Variants in RIPOR1 observed in about 807,000 individuals in gnomAD.
The protein encoded by RIPOR1 is rho family-interacting cell polarization regulator 1.
Under a neutral mutation model 116.5 loss-of-function variants are expected in RIPOR1, and 58 were observed. The observed-to-expected ratio is 0.50, with a 90% CI of 0.40 to 0.62. The LOEUF (loss-of-function observed/expected upper bound fraction) is 0.62. Ranked by LOEUF, RIPOR1 falls within the 20% of genes least tolerant of loss-of-function variation. The pLI, the probability that RIPOR1 is intolerant of heterozygous loss-of-function variation, is 0.00. For missense variants in RIPOR1, 1,372 were observed against 1,586.2 expected (o/e 0.86, Z 2.29); for synonymous variants, 605 against 650.0 (o/e 0.93, Z 1.05).
At position 67,530,752 on chromosome 16, in the gene RIPOR1, G is replaced by A. The variant is rs1013245375; in HGVS notation, c.-24+1838G>A. On this transcript the variant is annotated intron_variant, in intron 1 of 21. Transcript: ENST00000042381. This position sits in a 1 kb window ranked among gnomAD's most constrained non-coding sequence, Gnocchi z 4.5. The stretch of plus-strand genomic sequence containing the variant: ...CACTCACGGCCATCCTGACCTGGCT[G>A]TGCTGCAAGCCCCATAACCTTTGGA... Among the ~76,000 whole-genome samples, 1 of 152,186 alleles carries A rather than the reference G, an allele frequency of 6.6e-6. No homozygotes were observed. Among genetic ancestry groups the A allele is most frequent in the African/African-American group, 2.4e-5 (1 of 41,446 alleles).
rs2050584322 is a variant in RIPOR1 at position 67,529,039 on chromosome 16, A to T, written c.-24+125A>T. The T allele has an allele frequency of 6.5e-6, 1 of 153,538 alleles. No homozygotes were observed. 9.5% of individuals were successfully genotyped at this position (153,538 alleles called of 1,614,324 possible). ...CTGCGGCTCTGTCCCGCCTCACCCC[A>T]TCTCCCGGACCCCGGCCGCGCCTTG... On this transcript the variant is annotated intron_variant, in intron 1 of 21. Coordinates refer to ENST00000042381, the MANE Select transcript of RIPOR1 (RefSeq NM_024519.4). This position sits in a 1 kb window ranked among gnomAD's most constrained non-coding sequence, Gnocchi z 4.1.
upstream of RIPOR1, among the ~76,000 whole-genome samples, chr16:67,526,178 A>G (rs2050538267): frequency 6.6e-6 from 1 of 152,224 alleles, no homozygotes; most frequent in African/African-American, 2.4e-5. Context: ...CAGAGGACAC[A>G]GGTTCCCTGG....
intron 1 of RIPOR1, among the ~76,000 whole-genome samples, chr16:67,521,158 C>T (rs567366450): frequency 1.6e-4 from 24 of 152,208 alleles, no homozygotes; most frequent in Non-Finnish European, 3.5e-4. Context: ...TCTACAGTGA[C>T]TGTTCTTGAA....
chr16:67,520,314 G>A (rs555414683), intron 1 of RIPOR1, among the ~76,000 whole-genome samples: 1 of 151,328 alleles, frequency 6.6e-6, no homozygotes, highest in South Asian at 2.1e-4. Context: ...CTGGGAGGCA[G>A]AAGTTGCAGT....
chr16:67,540,772 G>A lies in RIPOR1; in HGVS notation c.801+68G>A. 6.8e-7 allele frequency: 1 copy of A among 1,473,214 alleles called. No individual in the cohort carries two copies. The highest frequency in any genetic ancestry group is 9.2e-7 in the Non-Finnish European group (1 of 1,089,720). 91.3% of individuals were successfully genotyped at this position (1,473,214 alleles called of 1,614,324 possible). ...AACCCCTTGTGACCCCCATTACCCT[G>A]AGTCCCTTACTCCTGTGATCCCCTC... is the stretch of plus-strand genomic sequence containing the variant. On this transcript the variant is annotated intron_variant, in intron 10 of 21. Transcript: ENST00000042381. The surrounding 1 kb of genome is among the most constrained non-coding windows in gnomAD (Gnocchi z 4.7).
chr16:67,529,956 G>A lies in RIPOR1; in HGVS notation c.-24+1042G>A, dbSNP rs540759595. ...CGACACCCACCTCCGTGGTATTGGA[G>A]GGAGGAGAGGAATGATAATTGGGGG... On this transcript the variant is annotated intron_variant, in intron 1 of 21. Coordinates refer to ENST00000042381, the MANE Select transcript of RIPOR1 (RefSeq NM_024519.4). The surrounding 1 kb of genome is among the most constrained non-coding windows in gnomAD (Gnocchi z 4.1). The A allele has an allele frequency of 3.7e-6, 3 of 802,682 alleles. No homozygotes were observed. The highest frequency in any genetic ancestry group is 2.9e-5 in the South Asian group (2 of 69,282). 49.7% of individuals were successfully genotyped at this position (802,682 alleles called of 1,614,324 possible). A position where few individuals can be genotyped will look rare whatever the true frequency, so the allele number is the denominator to read the frequency against.
rs369179324 is a variant in RIPOR1 at position 67,542,008 on chromosome 16, G to C, written c.1222G>C (p.Glu408Gln). Reference sequence around the variant, plus strand: ...CCCTAGGCCCCTGGTGCAGCAGCCCGAGCCCCTTCCCATCCAAGTTGCCTT... The same window carrying C: ...CCCTAGGCCCCTGGTGCAGCAGCCCCAGCCCCTTCCCATCCAAGTTGCCTT... ...PAPRPLVQQP[E>Q]PLPIQVAFRR... Residue 408 changes from glutamate (E) to glutamine (Q), a missense_variant, in exon 13 of 22, where the codon GAG becomes CAG. Transcript: ENST00000042381. This position sits in a 1 kb window ranked among gnomAD's most constrained non-coding sequence, Gnocchi z 4.6. 1.9e-6 allele frequency: 3 copies of C among 1,609,924 alleles called. No homozygotes were observed. The highest frequency in any genetic ancestry group is 2.5e-6 in the Non-Finnish European group (3 of 1,177,670).
intron 4 of RIPOR1, 27 bp downstream of exon 4, chr16:67,539,095 T>C: frequency 6.3e-7 from 1 of 1,598,116 alleles, no homozygotes; most frequent in Non-Finnish European, 8.5e-7. Context: ...ACGGATGCCC[T>C]TTGCCTCTTT....
Position 67,544,993 on chromosome 16 carries a change from C to T in RIPOR1, c.2907C>T (p.Thr969=), listed in dbSNP as rs2051119925. Reference sequence around the variant, plus strand: ...CGGCCTCTCGGCCTGGCTTCCTGACCTTCTGGGACCAGTGCACAGAGAGAC... The same window carrying T: ...CGGCCTCTCGGCCTGGCTTCCTGACTTTCTGGGACCAGTGCACAGAGAGAC... ...QFSASRPGFL[T]FWDQCTERLS... is the part of the protein sequence containing the mutation. Residue 969 remains threonine, a synonymous_variant, in exon 17 of 22, where the codon ACC becomes ACT. Transcript: ENST00000042381. The surrounding 1 kb of genome is among the most constrained non-coding windows in gnomAD (Gnocchi z 5.1). 1.2e-6 allele frequency: 2 copies of T among 1,613,460 alleles called. No homozygotes were observed. The highest frequency in any genetic ancestry group is 3.3e-4 in the Middle Eastern group (2 of 6,062).
Position 67,542,391 on chromosome 16 carries a change from C to T in RIPOR1, c.1605C>T (p.Asp535=), listed in dbSNP as rs746513000. The change falls in exon 13 of 22, where the codon GAC becomes GAT. Residue 535 remains aspartate, a synonymous_variant. Coordinates refer to ENST00000042381, the MANE Select transcript of RIPOR1 (RefSeq NM_024519.4). This position sits in a 1 kb window ranked among gnomAD's most constrained non-coding sequence, Gnocchi z 4.6. ...TAGACTCAGTTCATAAGTCCACAGA[C>T]TCTGGCCCTTCAGAACTGCCAGGCC... is the stretch of plus-strand genomic sequence containing the variant. The part of the protein sequence containing the change: ...AHLDSVHKST[D]SGPSELPGPT... 1.9e-6 allele frequency: 3 copies of T among 1,613,976 alleles called. No individual in the cohort carries two copies. Among genetic ancestry groups the T allele is most frequent in the Non-Finnish European group, 2.5e-6 (3 of 1,179,966 alleles).
intron 1 of RIPOR1, among the ~76,000 whole-genome samples, chr16:67,522,126 C>G (rs1489068971): frequency 6.7e-6 from 1 of 149,350 alleles, no homozygotes; most frequent in Non-Finnish European, 1.5e-5. Flanking sequence ...CTCCCGGATT[C>G]AAGCGATTCT....
At position 67,545,416 on chromosome 16, in the gene RIPOR1, G is replaced by A. The variant is rs147518611; in HGVS notation, c.3072G>A (p.Leu1024=). 2.5e-6 allele frequency: 4 copies of A among 1,613,850 alleles called. No homozygotes were observed. The highest frequency in any genetic ancestry group is 2.7e-5 in the African/African-American group (2 of 74,936). ...KFLEDALGQK[L]PRRPQPGPGE... ...TGGAGGATGCCCTGGGGCAGAAGCT[G>A]CCCAGAAGGCCCCAGCCAGGGCCTG... is the stretch of plus-strand genomic sequence containing the variant. The change falls in exon 18 of 22, where the codon CTG becomes CTA. Residue 1024 remains leucine (L), a synonymous_variant. Transcript: ENST00000042381. The surrounding 1 kb of genome is among the most constrained non-coding windows in gnomAD (Gnocchi z 4.8).
chr16:67,523,067 T>G (rs2142391874), intron 1 of RIPOR1, among the ~76,000 whole-genome samples: 1 of 152,290 alleles, frequency 6.6e-6, no homozygotes, highest in Non-Finnish European at 1.5e-5. Flanking sequence ...TTTGGCAGAG[T>G]GTAAACTTGA....
intron 1 of RIPOR1, among the ~76,000 whole-genome samples, chr16:67,520,142 C>G (rs1349227482): frequency 1.3e-5 from 2 of 149,010 alleles, no homozygotes; most frequent in Admixed American, 1.3e-4. Context: ...CTTTGGGAGG[C>G]TGAGGTTAGC....
chr16:67,545,283 G>A lies in RIPOR1; in HGVS notation c.3032-93G>A. 1 of 1,541,944 alleles carries A rather than the reference G, an allele frequency of 6.5e-7. No individual in the cohort carries two copies. The highest frequency in any genetic ancestry group is 8.8e-7 in the Non-Finnish European group (1 of 1,139,252). ...CCAGATGGGTGGGGTTTGAACAGGG[G>A]GCCCCTGGACCTGAGCCTGGGATAG... On this transcript the variant is annotated intron_variant, in intron 17 of 21. Transcript: ENST00000042381. This position sits in a 1 kb window ranked among gnomAD's most constrained non-coding sequence, Gnocchi z 4.8.
At chr16:67,525,771 CA>C (rs2050534920), upstream of RIPOR1, among the ~76,000 whole-genome samples, 1 of 152,126 alleles carries the variant, frequency 6.6e-6, no homozygotes, top group African/African-American at 2.4e-5. Flanking sequence ...AGGCAGAGGA[CA>C]GGGCTCAGGA....
Position 67,543,644 on chromosome 16 carries a change from C to T in RIPOR1, c.2600+175C>T. The T allele has an allele frequency of 2.5e-6, 2 of 810,954 alleles. No individual in the cohort carries two copies. The highest frequency in any genetic ancestry group is 1.7e-5 in the South Asian group (1 of 59,410). 50.2% of individuals were successfully genotyped at this position (810,954 alleles called of 1,614,324 possible). A position where few individuals can be genotyped will look rare whatever the true frequency, so the allele number is the denominator to read the frequency against. On this transcript the variant is annotated intron_variant, in intron 14 of 21. Transcript: ENST00000042381. The surrounding 1 kb of genome is among the most constrained non-coding windows in gnomAD (Gnocchi z 4.7). ...CTGGCAGGTGCACCTGTGTCCACCC[C>T]TCCCATGTCCTTCATGCCCATGTCT...
Position 67,530,836 on chromosome 16 carries a change from A to C in RIPOR1, c.-24+1922A>C, listed in dbSNP as rs1309305471. Among the ~76,000 whole-genome samples, 1 of 152,170 alleles carries C rather than the reference A, an allele frequency of 6.6e-6. No homozygotes were observed. The stretch of plus-strand genomic sequence containing the variant: ...CAGACTATAGGGCTGACATGAGCCC[A>C]GAGAGTCCCCTGGTTCTTATCAGCC... On this transcript the variant is annotated intron_variant, in intron 1 of 21. Coordinates refer to ENST00000042381, the MANE Select transcript of RIPOR1 (RefSeq NM_024519.4). The surrounding 1 kb of genome is among the most constrained non-coding windows in gnomAD (Gnocchi z 4.5).
At chr16:67,522,667 A>G (rs992757419) in intron 1 of RIPOR1, among the ~76,000 whole-genome samples, 4 of 151,876 alleles carry the variant, frequency 2.6e-5, no homozygotes, top group Non-Finnish European at 5.9e-5. Context: ...GTGCCTTTCC[A>G]TGTTCAGATA....
Sources: gnomAD v4.1 joint callset for allele counts (sites outside exome capture counted in the v4.1 genomes callset) on GRCh38, gnomAD v4.1.1 for gene constraint, Gnocchi (gnomAD v3.1) non-coding constraint, MANE v1.5 for transcripts, NCBI Gene and HGNC (gene_info 2026-07-23, HGNC 2026-07-21) for gene names.